VTI1A: variants seen among roughly 807,000 people sequenced by gnomAD.
VTI1A encodes the protein vesicle transport through interaction with t-SNAREs homolog 1A.
Under a neutral mutation model 34.9 loss-of-function variants are expected in VTI1A, and 22 were observed. That is an observed-to-expected ratio of 0.63 (90% CI 0.45 to 0.90). The LOEUF (loss-of-function observed/expected upper bound fraction) is 0.90, where lower values mean the gene tolerates loss of function less well. Among genes scored for constraint, VTI1A ranks in the 40% least tolerant of loss-of-function variants. The pLI is 0.00. For missense variants in VTI1A, 268 were observed against 275.6 expected, an observed-to-expected ratio of 0.97 and a Z score of 0.20; for synonymous variants, 87 against 97.3, an observed-to-expected ratio of 0.89 and a Z score of 0.62.
intron 7 of VTI1A, among the ~76,000 whole-genome samples, chr10:112,760,443 A>G (rs1224729089): frequency 6.6e-6 from 1 of 152,214 alleles, no homozygotes; most frequent in Non-Finnish European, 1.5e-5. Context: ...GCAGAAAGCG[A>G]AACCATGGAT....
intron 7 of VTI1A, among the ~76,000 whole-genome samples, chr10:112,780,285 TAAA>T (rs1466699076): frequency 3.4e-5 from 1 of 29,342 alleles, no homozygotes; most frequent in Non-Finnish European, 1.3e-4. Flanking sequence ...AATAAATAAA[TAAA>T]TAAATAAATA....
At chr10:112,616,199 A>G (rs73350505) in intron 5 of VTI1A, among the ~76,000 whole-genome samples, 3,335 of 152,338 alleles carry the variant, frequency 0.022, 138 homozygotes, top group African/African-American at 0.076. Flanking sequence ...TTATAAGTGT[A>G]CAAGAAAGCC....
the VTI1A span, among the ~76,000 whole-genome samples, chr10:112,839,072 T>C: frequency 6.6e-6 from 1 of 152,172 alleles, no homozygotes; most frequent in East Asian, 1.9e-4. Context: ...GTTCTGCTGG[T>C]TGCCCCTCCC....
intron 5 of VTI1A, among the ~76,000 whole-genome samples, chr10:112,547,645 T>TC (rs1471229998): frequency 6.6e-6 from 1 of 152,148 alleles, no homozygotes; most frequent in Non-Finnish European, 1.5e-5. Flanking sequence ...GGAATATACT[T>TC]CCACTGACCT....
chr10:112,656,849 G>T (rs1847246735), intron 5 of VTI1A, among the ~76,000 whole-genome samples: 1 of 152,108 alleles, frequency 6.6e-6, no homozygotes, highest in African/African-American at 2.4e-5. Flanking sequence ...TTGGAGGTGG[G>T]CCCTGGTGGG....
intron 7 of VTI1A, among the ~76,000 whole-genome samples, chr10:112,746,613 C>T (rs889823260): frequency 3.4e-5 from 5 of 148,584 alleles, no homozygotes; most frequent in Non-Finnish European, 6.1e-5. Flanking sequence ...AGTTTTTCCA[C>T]GCTAACAAGC....
At chr10:112,810,787 T>C (rs997434405) in intron 7 of VTI1A, among the ~76,000 whole-genome samples, 5 of 152,190 alleles carry the variant, frequency 3.3e-5, no homozygotes, top group African/African-American at 1.2e-4. Flanking sequence ...AGGAAGCGGA[T>C]GCCTGGCTAG....
intron 5 of VTI1A, among the ~76,000 whole-genome samples, chr10:112,555,625 C>T (rs1406018250): frequency 6.6e-6 from 1 of 151,888 alleles, no homozygotes; most frequent in East Asian, 1.9e-4. Context: ...TTATATTGAC[C>T]TTAGTAGGTG....
chr10:112,576,052 G>C (rs1479373999), intron 5 of VTI1A, among the ~76,000 whole-genome samples: 1 of 123,762 alleles, frequency 8.1e-6, no homozygotes, highest in South Asian at 2.5e-4. Context: ...AGGGAGTCTC[G>C]CTCTTTCGCC....
At chr10:112,528,440 G>C (rs1850314021) in intron 4 of VTI1A, among the ~76,000 whole-genome samples, 1 of 151,824 alleles carries the variant, frequency 6.6e-6, no homozygotes, top group South Asian at 2.1e-4. Flanking sequence ...TCAGACATGT[G>C]AACACGTTCA....
At chr10:112,731,948 TCTTTA>T (rs1430778008) in intron 7 of VTI1A, among the ~76,000 whole-genome samples, 2 of 152,196 alleles carry the variant, frequency 1.3e-5, no homozygotes, top group Non-Finnish European at 2.9e-5. Context: ...CACAAACAAT[TCTTTA>T]CTTAAGCACC....
rs1223779963 is a variant in VTI1A, at chr10:112,699,759, C to T, written c.560+30761C>T. Among the ~76,000 whole-genome samples the T allele has an allele frequency of 1.1e-4, 16 of 151,050 alleles. No individual in the cohort carries two copies. The East Asian group carries it at 2.2e-3, about 20-fold the overall frequency. ...GGCAGAATCGCTTGAACCCAGGAGG[C>T]GGAGGTTGCAGTAAGCTGAGATCGC... On this transcript the variant is annotated intron_variant, in intron 7 of 7. Transcript: ENST00000393077.
intron 5 of VTI1A, among the ~76,000 whole-genome samples, chr10:112,590,663 C>G (rs1589944843): frequency 6.6e-6 from 1 of 151,916 alleles, no homozygotes; most frequent in East Asian, 1.9e-4. Flanking sequence ...GCATGGGTGA[C>G]AGAGCGAGAC....
At chr10:112,523,010 A>G (rs2134211756) in intron 3 of VTI1A, among the ~76,000 whole-genome samples, 1 of 152,220 alleles carries the variant, frequency 6.6e-6, no homozygotes, top group Admixed American at 6.6e-5. Flanking sequence ...GGGCTGTAGA[A>G]TCCTCATTCT....
chr10:112,560,993 G>A (rs1195938518), intron 5 of VTI1A, among the ~76,000 whole-genome samples: 4 of 151,840 alleles, frequency 2.6e-5, no homozygotes. Context: ...GATTTCGTGT[G>A]GTTTTATGAC....
chr10:112,502,637 T>G (rs1275245248), intron 3 of VTI1A, among the ~76,000 whole-genome samples: 4 of 152,166 alleles, frequency 2.6e-5, no homozygotes, highest in South Asian at 2.1e-4. Flanking sequence ...CTGGTTTTAT[T>G]TGCATCTCTC....
intron 5 of VTI1A, among the ~76,000 whole-genome samples, chr10:112,599,529 T>C (rs1294210418): frequency 6.6e-6 from 1 of 152,190 alleles, no homozygotes; most frequent in African/African-American, 2.4e-5. Flanking sequence ...AAGGCCTTCA[T>C]GGAAAGCCTT....
chr10:112,548,810 C>A, intron 5 of VTI1A: 2 of 1,496,304 alleles, frequency 1.3e-6, no homozygotes, highest in South Asian at 2.4e-5. Flanking sequence ...CCAACAATGG[C>A]AGCATCACCA....
downstream of VTI1A, chr10:112,823,418 C>T (rs947638901): frequency 1.1e-4 from 16 of 152,152 alleles, no homozygotes; most frequent in African/African-American, 2.7e-4. Context: ...AGGTGCACCA[C>T]GGGAGTGTCA....
Sources: gnomAD v4.1 joint callset for allele counts (sites outside exome capture counted in the v4.1 genomes callset) on GRCh38, gnomAD v4.1.1 for gene constraint, MANE v1.5 for transcripts, NCBI Gene and HGNC (gene_info 2026-07-23, HGNC 2026-07-21) for gene names.